RAB6A: variants seen among roughly 807,000 people sequenced by gnomAD.
The protein encoded by RAB6A is RAB6A, member RAS oncogene family.
Under a neutral mutation model 32.3 loss-of-function variants are expected in RAB6A, and 8 were observed. That is an observed-to-expected ratio of 0.25 (90% CI 0.15 to 0.45). RAB6A has a LOEUF of 0.45. Ranked by LOEUF, RAB6A falls within the 20% of genes least tolerant of loss-of-function variation. The pLI, the probability that RAB6A is intolerant of heterozygous loss-of-function variation, is 1.00. For synonymous variants in RAB6A, 73 were observed against 82.1 expected (o/e 0.89, Z 0.60); for missense variants, 104 against 249.4 (o/e 0.42, Z 3.93).
intron 5 of RAB6A, among the ~76,000 whole-genome samples, chr11:73,709,211 T>A (rs1056755600): frequency 2.6e-5 from 4 of 152,010 alleles, no homozygotes; most frequent in African/African-American, 9.7e-5. Flanking sequence ...TAGGTTTTAT[T>A]CTTGTCAATT....
chr11:73,745,870 C>T (rs1339649001), intron 1 of RAB6A, among the ~76,000 whole-genome samples: 2 of 151,724 alleles, frequency 1.3e-5, no homozygotes, highest in East Asian at 3.9e-4. Context: ...GGTGGTGGCA[C>T]GCATCTGTAG....
chr11:73,727,409 A>C (rs1315196898), intron 2 of RAB6A, among the ~76,000 whole-genome samples: 1 of 151,284 alleles, frequency 6.6e-6, no homozygotes, highest in African/African-American at 2.4e-5. Flanking sequence ...CTGGGCGACA[A>C]AGCAATACTC....
intron 6 of RAB6A, among the ~76,000 whole-genome samples, chr11:73,689,655 C>A (rs1459439541): frequency 6.6e-6 from 1 of 152,232 alleles, no homozygotes; most frequent in Admixed American, 6.5e-5. Context: ...TTATGACCTA[C>A]AAGTTCCCCT....
At chr11:73,688,063 G>A (rs1010309692) in intron 6 of RAB6A, among the ~76,000 whole-genome samples, 1 of 152,148 alleles carries the variant, frequency 6.6e-6, no homozygotes, top group African/African-American at 2.4e-5. Context: ...TAGCCACTTG[G>A]TTAAATTAAG....
Position 73,677,708 on chromosome 11 carries a change from T to C in RAB6A, c.*190A>G, listed in dbSNP as rs1945289924. ...TTGGCTTTTTGTAAAATATAAATAA[T>C]GAAGACACTGACTTTTGTTGTGCTT... On this transcript the variant is annotated 3_prime_UTR_variant, in exon 8 of 8. Transcript: ENST00000336083. 2 of 1,395,184 alleles carry C rather than the reference T, an allele frequency of 1.4e-6. No homozygotes were observed. Among genetic ancestry groups the C allele is most frequent in the South Asian group, 1.6e-5 (1 of 62,314 alleles). 86.4% of individuals were successfully genotyped at this position (1,395,184 alleles called of 1,614,324 possible).
At chr11:73,728,102 G>A (rs1253841562) in intron 2 of RAB6A, among the ~76,000 whole-genome samples, 1 of 152,106 alleles carries the variant, frequency 6.6e-6, no homozygotes, top group Non-Finnish European at 1.5e-5. Flanking sequence ...AGTTAACATG[G>A]TAAAGATTTA....
At chr11:73,695,234 A>C (rs1476137828) in intron 6 of RAB6A, among the ~76,000 whole-genome samples, 1 of 152,086 alleles carries the variant, frequency 6.6e-6, no homozygotes, top group Non-Finnish European at 1.5e-5. Flanking sequence ...GTTTAAAAAA[A>C]AGAAAAACCT....
chr11:73,760,542 G>A (rs777093746), intron 1 of RAB6A, 24 bp downstream of exon 1: 9 of 1,590,560 alleles, frequency 5.7e-6, no homozygotes, highest in South Asian at 1.1e-5. Flanking sequence ...CCAGCTGCCA[G>A]GAGTAGGGGA....
At chr11:73,714,610 C>T (rs1026865703) in intron 5 of RAB6A, among the ~76,000 whole-genome samples, 2 of 148,060 alleles carry the variant, frequency 1.4e-5, no homozygotes, top group African/African-American at 5.0e-5. Flanking sequence ...TGCAGTGAGC[C>T]GAGATCGCGC....
chr11:73,741,905 T>C (rs1422544527), intron 1 of RAB6A, among the ~76,000 whole-genome samples: 1 of 152,180 alleles, frequency 6.6e-6, no homozygotes, highest in Non-Finnish European at 1.5e-5. Flanking sequence ...TTACTGATAT[T>C]TCCTATATAT....
chr11:73,743,320 A>T (rs541220500), intron 1 of RAB6A, among the ~76,000 whole-genome samples: 1 of 151,714 alleles, frequency 6.6e-6, no homozygotes, highest in Non-Finnish European at 1.5e-5. Context: ...AAAAAAAAAA[A>T]AGAGAAAAAA....
chr11:73,740,274 G>GA (rs1946474674), intron 1 of RAB6A, among the ~76,000 whole-genome samples: 1 of 152,042 alleles, frequency 6.6e-6, no homozygotes, highest in South Asian at 2.1e-4. Flanking sequence ...CATATGCTAT[G>GA]ATTGTAGTAA....
At chr11:73,702,645 C>A (rs1945764548) in intron 6 of RAB6A, among the ~76,000 whole-genome samples, 1 of 152,142 alleles carries the variant, frequency 6.6e-6, no homozygotes, top group African/African-American at 2.4e-5. Flanking sequence ...AGAGTGTATT[C>A]TCTGACTATA....
At chr11:73,693,162 C>T (rs895150622) in intron 6 of RAB6A, among the ~76,000 whole-genome samples, 1 of 151,998 alleles carries the variant, frequency 6.6e-6, no homozygotes, top group Admixed American at 6.6e-5. Flanking sequence ...GTGGCACACG[C>T]CTGTAATCCC....
intron 6 of RAB6A, among the ~76,000 whole-genome samples, chr11:73,693,842 C>T (rs1001896709): frequency 1.3e-5 from 2 of 151,302 alleles, no homozygotes; most frequent in Non-Finnish European, 2.9e-5. Context: ...GGCGCCATTG[C>T]ACTCCAGCTT....
At chr11:73,711,717 A>G (rs1360314271) in intron 5 of RAB6A, among the ~76,000 whole-genome samples, 2 of 152,200 alleles carry the variant, frequency 1.3e-5, no homozygotes. Flanking sequence ...CCTCCATAGG[A>G]GTATTACCAT....
rs1945281070 is a variant in RAB6A at position 73,677,171 on chromosome 11, A to G, written c.*727T>C. The G allele has an allele frequency of 6.0e-6, 1 of 167,118 alleles. No homozygotes were observed. Among genetic ancestry groups the G allele is most frequent in the Non-Finnish European group, 1.5e-5 (1 of 68,130 alleles). The allele number at this position is 167,118 out of a possible 1,614,324, so 10.4% of individuals were successfully genotyped here. On this transcript the variant is annotated 3_prime_UTR_variant, in exon 8 of 8. Coordinates refer to ENST00000336083, the MANE Select transcript of RAB6A (RefSeq NM_198896.2). Reference sequence around the variant, plus strand: ...CACATGTGAAAGAGCCATTTGTTTTAGTCAGAAATACATCTTATGTTCTTC... The same window carrying G: ...CACATGTGAAAGAGCCATTTGTTTTGGTCAGAAATACATCTTATGTTCTTC...
chr11:73,727,369 T>G (rs965437029), intron 2 of RAB6A, among the ~76,000 whole-genome samples: 9 of 150,886 alleles, frequency 6.0e-5, no homozygotes, highest in African/African-American at 1.9e-4. Context: ...AAGGTGACAA[T>G]GAGCTATGAT....
Position 73,760,719 on chromosome 11 carries a change from G to A in RAB6A, c.-84C>T. Reference sequence around the variant, plus strand: ...TCCAGCCAGCTGACGAAAAAGGCGAGCGGAAGGGCGGGCACCGAGCTCTCT... The same window carrying A: ...TCCAGCCAGCTGACGAAAAAGGCGAACGGAAGGGCGGGCACCGAGCTCTCT... On this transcript the variant is annotated 5_prime_UTR_variant, in exon 1 of 8. Coordinates refer to ENST00000336083, the MANE Select transcript of RAB6A (RefSeq NM_198896.2). The A allele has an allele frequency of 5.9e-6, 9 of 1,535,556 alleles. No homozygotes were observed. Among genetic ancestry groups the A allele is most frequent in the Non-Finnish European group, 7.9e-6 (9 of 1,135,216 alleles).
Sources: gnomAD v4.1 joint callset for allele counts (sites outside exome capture counted in the v4.1 genomes callset) on GRCh38, gnomAD v4.1.1 for gene constraint, MANE v1.5 for transcripts, NCBI Gene and HGNC (gene_info 2026-07-23, HGNC 2026-07-21) for gene names.